AHCYL2: variants seen among roughly 807,000 people sequenced by gnomAD.
The protein encoded by AHCYL2 is S-adenosylhomocysteine hydrolase-like protein 2.
AHCYL2 carries 28 observed loss-of-function variants against 81.4 expected under a neutral mutation model. The ratio of observed to expected loss-of-function variants is 0.34; its 90% CI spans 0.25 to 0.47. The LOEUF (loss-of-function observed/expected upper bound fraction) is 0.47, where lower values mean the gene tolerates loss of function less well. Among genes scored for constraint, AHCYL2 ranks in the 20% least tolerant of loss-of-function variants. The pLI is 1.00. For missense variants in AHCYL2, 551 were observed against 785.1 expected (o/e 0.70, Z 3.56); for synonymous variants, 272 against 290.2 (o/e 0.94, Z 0.64).
At chr7:129,379,437 T>C (rs1043389183) in intron 1 of AHCYL2, among the ~76,000 whole-genome samples, 16 of 151,680 alleles carry the variant, frequency 1.1e-4, no homozygotes, top group African/African-American at 3.6e-4. Context: ...CTGGGCAATA[T>C]GGAAAGACCC....
At chr7:129,362,769 G>C (rs548807110) in intron 1 of AHCYL2, among the ~76,000 whole-genome samples, 2 of 152,104 alleles carry the variant, frequency 1.3e-5, no homozygotes, top group Admixed American at 6.6e-5. Flanking sequence ...ATTTGCCAAA[G>C]TCCAATAAAA....
intron 1 of AHCYL2, among the ~76,000 whole-genome samples, chr7:129,279,878 C>T (rs891002026): frequency 6.6e-6 from 1 of 152,116 alleles, no homozygotes; most frequent in Non-Finnish European, 1.5e-5. Flanking sequence ...TAGCATATAA[C>T]CAGCAGTGAG....
At chr7:129,321,758 T>G (rs1194679656) in intron 1 of AHCYL2, among the ~76,000 whole-genome samples, 1 of 147,112 alleles carries the variant, frequency 6.8e-6, no homozygotes, top group African/African-American at 2.5e-5. Context: ...TTTTTTTTTT[T>G]TTTTTTGGTC....
At chr7:129,370,894 G>C (rs577206373) in intron 1 of AHCYL2, among the ~76,000 whole-genome samples, 61 of 152,288 alleles carry the variant, frequency 4.0e-4, no homozygotes, top group African/African-American at 1.4e-3. Flanking sequence ...TGTCTCATTT[G>C]CTAGCTTTTC....
intron 1 of AHCYL2, among the ~76,000 whole-genome samples, chr7:129,259,678 C>T (rs141147903): frequency 9.3e-4 from 142 of 152,310 alleles, no homozygotes; most frequent in African/African-American, 3.3e-3. Context: ...CCCTCAACCT[C>T]AGTTTTTCTC....
At chr7:129,233,995 C>G (rs973369770) in intron 1 of AHCYL2, among the ~76,000 whole-genome samples, 2 of 151,970 alleles carry the variant, frequency 1.3e-5, no homozygotes, top group African/African-American at 4.8e-5. Context: ...TTCTCCCCCT[C>G]CCCCCTTCCT....
intron 1 of AHCYL2, among the ~76,000 whole-genome samples, chr7:129,239,898 C>G (rs1163599848): frequency 3.3e-5 from 5 of 151,950 alleles, no homozygotes; most frequent in Admixed American, 2.0e-4. Context: ...CCAGTCCCTT[C>G]CCACACACAG....
intron 1 of AHCYL2, among the ~76,000 whole-genome samples, chr7:129,258,370 A>G (rs1331266988): frequency 6.6e-6 from 1 of 151,884 alleles, no homozygotes; most frequent in Non-Finnish European, 1.5e-5. Context: ...CTACGTGTAT[A>G]CCAGGACTAC....
At position 129,406,660 on chromosome 7, in the gene AHCYL2, A is replaced by G. The variant is rs2150941221; in HGVS notation, c.1295+194A>G. 6.6e-6 allele frequency among the ~76,000 whole-genome samples: 1 copy of G among 152,324 alleles called. No homozygotes were observed. Among genetic ancestry groups the G allele is most frequent in the East Asian group, 1.9e-4 (1 of 5,176 alleles). On this transcript the variant is annotated intron_variant, in intron 10 of 16. Coordinates refer to ENST00000325006, the MANE Select transcript of AHCYL2 (RefSeq NM_015328.4). The surrounding 1 kb of genome is among the most constrained non-coding windows in gnomAD (Gnocchi z 4.3). Reference sequence around the variant, plus strand: ...GAGACTATCAGAAAAGCGAAAATTTAGAAATCCTGTGGAGATAGTAACAGG... The same window carrying G: ...GAGACTATCAGAAAAGCGAAAATTTGGAAATCCTGTGGAGATAGTAACAGG...
intron 1 of AHCYL2, among the ~76,000 whole-genome samples, chr7:129,239,344 A>C (rs1171545226): frequency 6.6e-6 from 1 of 152,140 alleles, no homozygotes; most frequent in Non-Finnish European, 1.5e-5. Flanking sequence ...ACTAGCATAT[A>C]TCTGTCAGAA....
In AHCYL2 at chr7:129,426,679, C is replaced by A; in HGVS notation, c.1829+116C>A. On this transcript the variant is annotated intron_variant, in intron 16 of 16. Transcript: ENST00000325006. This position sits in a 1 kb window ranked among gnomAD's most constrained non-coding sequence, Gnocchi z 4.3. ...TTACATGAACTCAGAAAAATGAACC[C>A]ACTTCCCCTCACTGCCACCTTCAAA... is the stretch of plus-strand genomic sequence containing the variant. The A allele has an allele frequency of 7.4e-7, 1 of 1,353,424 alleles. No homozygotes were observed. The highest frequency in any genetic ancestry group is 9.9e-7 in the Non-Finnish European group (1 of 1,009,416). The allele number at this position is 1,353,424 out of a possible 1,614,324, so 83.8% of individuals were successfully genotyped here.
chr7:129,357,507 A>G (rs1203950976), intron 1 of AHCYL2, among the ~76,000 whole-genome samples: 1 of 152,246 alleles, frequency 6.6e-6, no homozygotes, highest in African/African-American at 2.4e-5. Flanking sequence ...TATAACTGCA[A>G]AGAACTCAAA....
chr7:129,419,159 T>C lies in AHCYL2; in HGVS notation c.1462-3681T>C, dbSNP rs905074673. ...CATTTAGAAAGCTGCATTTTTTTTC[T>C]GAGAAATATGAATGCTGTGAATACT... is the stretch of plus-strand genomic sequence containing the variant. On this transcript the variant is annotated intron_variant, in intron 12 of 16. Transcript: ENST00000325006. This position sits in a 1 kb window ranked among gnomAD's most constrained non-coding sequence, Gnocchi z 4.7. 1.9e-4 allele frequency among the ~76,000 whole-genome samples: 29 copies of C among 152,182 alleles called. No homozygotes were observed. The highest frequency in any genetic ancestry group is 6.3e-4 in the African/African-American group (26 of 41,438).
At chr7:129,243,575 T>TTTTTG (rs869269744) in intron 1 of AHCYL2, among the ~76,000 whole-genome samples, 3 of 83,432 alleles carry the variant, frequency 3.6e-5, no homozygotes, top group Admixed American at 2.5e-4. Context: ...TTTGTTTTTG[T>TTTTTG]TTTTGTTTTG....
intron 1 of AHCYL2, among the ~76,000 whole-genome samples, chr7:129,255,108 A>G (rs1033077670): frequency 6.6e-6 from 1 of 152,066 alleles, no homozygotes; most frequent in Admixed American, 6.6e-5. Flanking sequence ...TAAAAATACA[A>G]AAATTAGCCG....
At chr7:129,270,270 G>A (rs1276744185) in intron 1 of AHCYL2, among the ~76,000 whole-genome samples, 5 of 152,020 alleles carry the variant, frequency 3.3e-5, no homozygotes, top group East Asian at 1.9e-4. Context: ...CTTGATTGGC[G>A]TCCTCTTCTA....
At chr7:129,364,356 G>C (rs148903330) in intron 1 of AHCYL2, among the ~76,000 whole-genome samples, 2 of 151,940 alleles carry the variant, frequency 1.3e-5, no homozygotes, top group African/African-American at 4.8e-5. Flanking sequence ...GTGCAGTGGC[G>C]CGATCTCGGC....
chr7:129,299,586 G>A (rs1048559266), intron 1 of AHCYL2, among the ~76,000 whole-genome samples: 5 of 151,752 alleles, frequency 3.3e-5, no homozygotes, highest in African/African-American at 1.2e-4. Flanking sequence ...GTAGAGACAG[G>A]GTTTCACCAT....
At chr7:129,321,118 T>G (rs1797998924) in intron 1 of AHCYL2, among the ~76,000 whole-genome samples, 1 of 152,236 alleles carries the variant, frequency 6.6e-6, no homozygotes, top group South Asian at 2.1e-4. Flanking sequence ...CATAATTGTT[T>G]CACCTGTAAA....
Sources: allele counts gnomAD v4.1 joint callset (sites outside exome capture counted in the v4.1 genomes callset), GRCh38; gene constraint gnomAD v4.1.1; non-coding constraint Gnocchi (gnomAD v3.1); transcripts MANE v1.5; gene names NCBI Gene and HGNC (gene_info 2026-07-23, HGNC 2026-07-21).